Variants in RAB3GAP2 observed in about 807,000 individuals in gnomAD.
The protein encoded by RAB3GAP2 is rab3 GTPase-activating protein non-catalytic subunit.
In RAB3GAP2, 87 loss-of-function variants were observed where a neutral mutation model predicts 185.3. The ratio of observed to expected loss-of-function variants is 0.47; its 90% CI spans 0.39 to 0.56. RAB3GAP2 has a LOEUF of 0.56. Ranked by LOEUF, RAB3GAP2 falls within the 20% of genes least tolerant of loss-of-function variation. RAB3GAP2 has a pLI of 0.00. For synonymous variants in RAB3GAP2, 554 were observed against 576.1 expected (o/e 0.96, Z 0.55); for missense variants, 1,492 against 1,638.2 (o/e 0.91, Z 1.54).
At chr1:220,254,355 T>C in intron 1 of RAB3GAP2, 1 of 1,613,434 alleles carries the variant, frequency 6.2e-7, no homozygotes, top group East Asian at 2.2e-5. Flanking sequence ...GAGCGCCACA[T>C]CTCCTGAGAT....
At chr1:220,156,701 G>T (rs1289363971) in intron 31 of RAB3GAP2, among the ~76,000 whole-genome samples, 1 of 152,174 alleles carries the variant, frequency 6.6e-6, no homozygotes, top group African/African-American at 2.4e-5. Flanking sequence ...AAACGGACAG[G>T]CATGATCTAT....
At chr1:220,164,463 T>TTTTTG (rs1373826011) in intron 27 of RAB3GAP2, among the ~76,000 whole-genome samples, 3 of 147,048 alleles carry the variant, frequency 2.0e-5, no homozygotes, top group Non-Finnish European at 4.5e-5. Flanking sequence ...TTTGTTTTGT[T>TTTTTG]TTTTGTTTTG....
intron 1 of RAB3GAP2, among the ~76,000 whole-genome samples, chr1:220,261,650 A>C (rs963495048): frequency 6.6e-6 from 1 of 152,212 alleles, no homozygotes; most frequent in African/African-American, 2.4e-5. Context: ...TTGGACTTCT[A>C]CAACTATCTA....
At position 220,202,348 on chromosome 1, in the gene RAB3GAP2, G is replaced by T. The variant is rs537644559; in HGVS notation, c.739C>A (p.Gln247Lys). ...TTCTTATAAGCTAATGGTGGTGGTT[G>T]TATGTTCTCATTGCCTGATGCTGCA... ...KAAASGNENI[Q>K]PPPLAYKKWG... The change falls in exon 9 of 35, where the codon CAA (glutamine) becomes AAA (lysine). Residue 247 changes from glutamine (Q) to lysine (K), a missense_variant. Gln to Lys is a moderately conservative substitution (Grantham distance 53, BLOSUM62 1). Transcript: ENST00000358951. 2.4e-5 allele frequency: 39 copies of T among 1,613,802 alleles called. No individual in the cohort carries two copies. The Admixed American group carries it at 6.5e-4, about 27-fold the overall frequency.
intron 1 of RAB3GAP2, chr1:220,253,576 C>CG (rs1659978734): frequency 1.3e-6 from 2 of 1,583,316 alleles, no homozygotes; most frequent in Middle Eastern, 2.2e-4. Flanking sequence ...ATAAATGGCG[C>CG]GGAAGCAGGA....
At chr1:220,164,912 G>T in intron 26 of RAB3GAP2, 113 bp from the exon 27 acceptor site, 2 of 994,732 alleles carry the variant, frequency 2.0e-6, no homozygotes, top group Non-Finnish European at 3.0e-6. Flanking sequence ...ACCTAAGAAT[G>T]TTGCAATAAT....
intron 26 of RAB3GAP2, among the ~76,000 whole-genome samples, chr1:220,166,074 A>G (rs963880612): frequency 3.9e-5 from 6 of 152,220 alleles, no homozygotes; most frequent in Non-Finnish European, 5.9e-5. Context: ...TTAAGTAGAG[A>G]GCCTAAATAT....
At chr1:220,214,883 C>T (rs1659155812) in intron 2 of RAB3GAP2, among the ~76,000 whole-genome samples, 1 of 144,468 alleles carries the variant, frequency 6.9e-6, no homozygotes, top group Admixed American at 7.1e-5. Context: ...ATGTGTATTT[C>T]CAGAGATACT....
intron 1 of RAB3GAP2, among the ~76,000 whole-genome samples, chr1:220,253,030 A>G (rs982454874): frequency 1.3e-5 from 2 of 152,092 alleles, no homozygotes; most frequent in African/African-American, 4.8e-5. Context: ...CCAGGGGCGG[A>G]GGGGTGGCTA....
chr1:220,156,251 G>A (rs759937838), intron 31 of RAB3GAP2, among the ~76,000 whole-genome samples: 1 of 151,998 alleles, frequency 6.6e-6, no homozygotes, highest in African/African-American at 2.4e-5. Context: ...ATGACTGTCC[G>A]GGAGTCTCTC....
At chr1:220,166,802 A>C (rs1335422092) in intron 26 of RAB3GAP2, among the ~76,000 whole-genome samples, 1 of 152,226 alleles carries the variant, frequency 6.6e-6, no homozygotes, top group Non-Finnish European at 1.5e-5. Flanking sequence ...AGACAAATAC[A>C]TATTTGAACA....
chr1:220,171,594 A>T (rs1658178582), intron 23 of RAB3GAP2, among the ~76,000 whole-genome samples: 1 of 152,198 alleles, frequency 6.6e-6, no homozygotes, highest in African/African-American at 2.4e-5. Context: ...AGACCTATTT[A>T]GGTGTCTCAT....
At chr1:220,154,162 T>C in intron 31 of RAB3GAP2, 105 bp from the exon 32 acceptor site, 1 of 1,480,744 alleles carries the variant, frequency 6.8e-7, no homozygotes, top group African/African-American at 1.4e-5. Context: ...TGATTTTTAT[T>C]TCTCCTTGAA....
chr1:220,182,758 G>T lies in RAB3GAP2; in HGVS notation c.2172C>A (p.Leu724=). ...CCTCTTCACTTATTTTCTTTATGTT[G>T]AGCACATCCTTTTCATATTCTAAAT... ...LEYLEYEKDV[L]NIKKISEEEY... is the part of the protein sequence containing the mutation. The change falls in exon 20 of 35, where the codon CTC becomes CTA. Residue 724 remains leucine (L), a synonymous_variant. Transcript: ENST00000358951. The T allele has an allele frequency of 6.2e-7, 1 of 1,611,004 alleles. No homozygotes were observed. Among genetic ancestry groups the T allele is most frequent in the South Asian group, 1.1e-5 (1 of 90,780 alleles).
intron 1 of RAB3GAP2, among the ~76,000 whole-genome samples, chr1:220,246,057 G>A (rs1374674583): frequency 1.3e-5 from 2 of 151,956 alleles, no homozygotes; most frequent in Non-Finnish European, 2.9e-5. Flanking sequence ...AGAATCTACA[G>A]TGAACTCAAA....
intron 2 of RAB3GAP2, among the ~76,000 whole-genome samples, chr1:220,214,543 G>A (rs1207525726): frequency 2.0e-5 from 3 of 151,486 alleles, no homozygotes; most frequent in African/African-American, 7.3e-5. Context: ...AAAAAAAAAT[G>A]TCACATAGGA....
intron 28 of RAB3GAP2, among the ~76,000 whole-genome samples, chr1:220,161,819 G>T (rs2102854217): frequency 6.6e-6 from 1 of 152,262 alleles, no homozygotes; most frequent in East Asian, 1.9e-4. Context: ...TATGGGTGAG[G>T]TTTACACAAG....
intron 26 of RAB3GAP2, among the ~76,000 whole-genome samples, chr1:220,166,476 T>C (rs1418497929): frequency 6.6e-6 from 1 of 152,220 alleles, no homozygotes; most frequent in African/African-American, 2.4e-5. Context: ...TCTTATTTGA[T>C]CATGGCACCT....
intron 2 of RAB3GAP2, chr1:220,220,226 C>T (rs1307584992): frequency 1.3e-5 from 2 of 152,194 alleles, no homozygotes; most frequent in African/African-American, 2.4e-5. Flanking sequence ...CCATCATCGT[C>T]GTTGTGGTGG....
Sources: gnomAD v4.1 joint callset for allele counts (sites outside exome capture counted in the v4.1 genomes callset) on GRCh38, gnomAD v4.1.1 for gene constraint, MANE v1.5 for transcripts, NCBI Gene and HGNC (gene_info 2026-07-23, HGNC 2026-07-21) for gene names.